C2CD3: variants seen among roughly 807,000 people sequenced by gnomAD.
C2CD3 encodes C2 domain-containing protein 3.
In C2CD3, 148 loss-of-function variants were observed where a neutral mutation model predicts 234.0. That is an observed-to-expected ratio of 0.63 (90% CI 0.55 to 0.72). The LOEUF is 0.72. Ranked by LOEUF, C2CD3 falls within the 30% of genes least tolerant of loss-of-function variation. The probability of loss-of-function intolerance (pLI) is 0.00; values close to 1 mark genes in which losing one functional copy is unlikely to be tolerated. For synonymous variants in C2CD3, 1,000 were observed against 1,035.4 expected, an observed-to-expected ratio of 0.97 and a Z score of 0.66; for missense variants, 2,577 against 2,811.5, an observed-to-expected ratio of 0.92 and a Z score of 1.89.
At chr11:74,091,088 G>T in intron 19 of C2CD3, 152 bp from the exon 20 acceptor site, 1 of 723,186 alleles carries the variant, frequency 1.4e-6, no homozygotes, top group Non-Finnish European at 2.2e-6. Context: ...TAATCACATT[G>T]TTATTCTTTA....
At chr11:74,091,083 A>G in intron 19 of C2CD3, 147 bp from the exon 20 acceptor site, 2 of 738,924 alleles carry the variant, frequency 2.7e-6, no homozygotes, top group Non-Finnish European at 4.3e-6. Context: ...TGTCATAATC[A>G]CATTGTTATT....
intron 2 of C2CD3, chr11:74,168,077 TC>T (rs1856920797): frequency 6.0e-6 from 2 of 334,908 alleles, no homozygotes; most frequent in Non-Finnish European, 1.1e-5. Flanking sequence ...ATTTCATCTC[TC>T]CAACTTGTTT....
At chr11:74,121,608 C>CAAAA (rs369249513) in intron 8 of C2CD3, among the ~76,000 whole-genome samples, 16 of 62,042 alleles carry the variant, frequency 2.6e-4, no homozygotes, top group African/African-American at 5.6e-4. Flanking sequence ...GACTCCGTCT[C>CAAAA]AAAAAAAAAA....
intron 3 of C2CD3, among the ~76,000 whole-genome samples, chr11:74,150,143 A>G (rs1855498231): frequency 6.8e-6 from 1 of 147,794 alleles, no homozygotes; most frequent in Non-Finnish European, 1.5e-5. Context: ...CTTAATGGAC[A>G]CTTTCCTTTT....
chr11:74,040,373 T>C (rs1952975100), intron 29 of C2CD3, among the ~76,000 whole-genome samples: 1 of 152,192 alleles, frequency 6.6e-6, no homozygotes, highest in African/African-American at 2.4e-5. Flanking sequence ...ATAGCACTAT[T>C]GATCAATTTT....
At chr11:74,133,372 T>A (rs1308160607) in intron 6 of C2CD3, 53 bp downstream of exon 6, 28 of 1,540,786 alleles carry the variant, frequency 1.8e-5, no homozygotes, top group Non-Finnish European at 2.4e-5. Flanking sequence ...AAAACACAGG[T>A]TAACAACTAT....
intron 3 of C2CD3, among the ~76,000 whole-genome samples, chr11:74,156,050 C>G (rs187545684): frequency 3.3e-4 from 50 of 151,952 alleles, no homozygotes; most frequent in Non-Finnish European, 1.0e-4. Flanking sequence ...CCGAGGTGGG[C>G]AGATCATGAG....
chr11:74,049,225 C>T (rs1446717082), intron 27 of C2CD3, 112 bp downstream of exon 27: 11 of 852,682 alleles, frequency 1.3e-5, no homozygotes, highest in Non-Finnish European at 1.9e-5. Flanking sequence ...TTATGAGACA[C>T]ATATAGTATA....
At chr11:74,048,938 G>A (rs899296869) in intron 27 of C2CD3, among the ~76,000 whole-genome samples, 4 of 152,128 alleles carry the variant, frequency 2.6e-5, no homozygotes, top group African/African-American at 2.4e-5. Context: ...TACGCTTACC[G>A]TGATCAATTC....
intron 12 of C2CD3, 73 bp from the exon 13 acceptor site, chr11:74,106,566 C>G: frequency 1.5e-6 from 2 of 1,374,894 alleles, no homozygotes; most frequent in South Asian, 2.6e-5. Flanking sequence ...AAAGTGACAA[C>G]ATATGATGGC....
chr11:74,065,926 A>C (rs1280131984), intron 24 of C2CD3, among the ~76,000 whole-genome samples: 1 of 66,976 alleles, frequency 1.5e-5, no homozygotes, highest in African/African-American at 6.2e-5. Context: ...GGGTGGGGGG[A>C]GGGGGGAGGG....
intron 3 of C2CD3, among the ~76,000 whole-genome samples, chr11:74,154,484 A>C (rs145363149): frequency 5.2e-4 from 79 of 152,346 alleles, no homozygotes; most frequent in Middle Eastern, 3.4e-3. Flanking sequence ...TGAATGAATG[A>C]ATAAATACTT....
At chr11:74,168,067 AT>A (rs918411907) in intron 2 of C2CD3, 1 of 307,652 alleles carries the variant, frequency 3.3e-6, no homozygotes, top group African/African-American at 2.5e-5. Flanking sequence ...GAAAGTATTC[AT>A]TTCATCTCTC....
rs1957747521 is a variant in C2CD3, at chr11:74,133,483, T to C, written c.1030A>G (p.Met344Val). Residue 344 changes from methionine (M) to valine (V), a missense_variant, in exon 6 of 33, where the codon ATG (methionine) becomes GTG (valine). By Grantham distance (21) the Met-to-Val change is conservative. Transcript: ENST00000334126. ...GGAGGATGAACTTGGTCCAACAACA[T>C]GCTGGTCTCTGGGCTTGATTTCATT... is the stretch of plus-strand genomic sequence containing the variant. Reference protein sequence around the residue: ...SAMKSSPETSMLLDQVHPPIN... With the variant: ...SAMKSSPETSVLLDQVHPPIN... 1 of 1,613,922 alleles carries C rather than the reference T, an allele frequency of 6.2e-7. No homozygotes were observed. Among genetic ancestry groups the C allele is most frequent in the African/African-American group, 1.3e-5 (1 of 75,050 alleles).
rs1957173019 is a variant in C2CD3, at chr11:74,120,452, T to G, written c.1366-2070A>C. On this transcript the variant is annotated intron_variant, in intron 8 of 32. Transcript: ENST00000334126. The stretch of plus-strand genomic sequence containing the variant: ...TGCATCCATGTCCCTGCAAAGGACA[T>G]GACCTCATCCTTTTTTATGGCTGCA... Among the ~76,000 whole-genome samples the G allele has an allele frequency of 3.3e-5, 5 of 152,232 alleles. No individual in the cohort carries two copies. The South Asian group carries it at 1.0e-3, about 31-fold the overall frequency.
At chr11:74,118,010 T>C (rs1424021752) in intron 9 of C2CD3, among the ~76,000 whole-genome samples, 2 of 152,030 alleles carry the variant, frequency 1.3e-5, no homozygotes, top group Non-Finnish European at 2.9e-5. Flanking sequence ...AAAGAACTTA[T>C]TCAGGTAATC....
chr11:74,170,891 A>C lies in C2CD3; in HGVS notation c.-99T>G. The C allele has an allele frequency of 2.8e-5, 41 of 1,451,284 alleles. No homozygotes were observed. Among genetic ancestry groups the C allele is most frequent in the Admixed American group, 5.9e-5 (3 of 50,872 alleles). 89.9% of individuals were successfully genotyped at this position (1,451,284 alleles called of 1,614,324 possible). A position where few individuals can be genotyped will look rare whatever the true frequency, so the allele number is the denominator to read the frequency against. On this transcript the variant is annotated 5_prime_UTR_variant, in exon 1 of 33. Transcript: ENST00000334126. Reference sequence around the variant, plus strand: ...CCCACGGCGCCTGCGTTCCCCGGCAACCGGCGCCGCTGGGCAGCCTGGGAG... The same window carrying C: ...CCCACGGCGCCTGCGTTCCCCGGCACCCGGCGCCGCTGGGCAGCCTGGGAG...
intron 3 of C2CD3, among the ~76,000 whole-genome samples, chr11:74,153,452 A>T (rs1855811311): frequency 1.3e-5 from 2 of 152,212 alleles, no homozygotes; most frequent in Non-Finnish European, 2.9e-5. Flanking sequence ...AATTCTCAAG[A>T]GTCAATGAAG....
intron 21 of C2CD3, 56 bp from the exon 22 acceptor site, chr11:74,085,026 A>G: frequency 3.2e-6 from 3 of 942,682 alleles, no homozygotes; most frequent in Non-Finnish European, 5.2e-6. Context: ...TCAAGGGGCT[A>G]GTTTACAGTA....
Sources: allele counts gnomAD v4.1 joint callset (sites outside exome capture counted in the v4.1 genomes callset), GRCh38; gene constraint gnomAD v4.1.1; transcripts MANE v1.5; gene names NCBI Gene and HGNC (gene_info 2026-07-23, HGNC 2026-07-21).